The following MICU1 variants were observed in gnomAD, a reference collection of about 807,000 sequenced individuals.
MICU1 encodes mitochondrial calcium uptake 1, also known as calcium uptake protein 1, mitochondrial.
A neutral mutation model predicts 56.8 loss-of-function variants in MICU1; 45 were observed. That is an observed-to-expected ratio of 0.79 (90% confidence interval 0.62 to 1.02). MICU1 has a LOEUF of 1.02. MICU1 is among the 50% of genes least tolerant of loss of function. The pLI, the probability that MICU1 is intolerant of heterozygous loss-of-function variation, is 0.00. For synonymous variants in MICU1, 186 were observed against 195.1 expected, an observed-to-expected ratio of 0.95 and a Z score of 0.39; for missense variants, 504 against 587.1, an observed-to-expected ratio of 0.86 and a Z score of 1.46.
intron 5 of MICU1, among the ~76,000 whole-genome samples, chr10:72,520,875 A>G (rs999233429): frequency 4.6e-5 from 7 of 152,096 alleles, no homozygotes; most frequent in African/African-American, 1.7e-4. Flanking sequence ...TCAAAACTCT[A>G]GAAGGAGAAA....
intron 1 of MICU1, among the ~76,000 whole-genome samples, chr10:72,587,360 A>G (rs1198957394): frequency 2.0e-5 from 3 of 150,752 alleles, no homozygotes; most frequent in Non-Finnish European, 4.4e-5. Flanking sequence ...CTAGCTACTC[A>G]GGAGGCTAAG....
rs577453943 is a variant in MICU1 at position 72,383,996 on chromosome 10, A to T, written c.1181-8124T>A. Among the ~76,000 whole-genome samples, 907 of 150,488 alleles carry T rather than the reference A, an allele frequency of 6.0e-3. 10 individuals carry two copies. Among genetic ancestry groups the T allele is most frequent in the East Asian group, 0.034 (173 of 5,112 alleles). On this transcript the variant is annotated intron_variant, in intron 10 of 11. Transcript: ENST00000361114. ...ATTTTTAAACAATTTTATTAAAAAAAAATTTTTTTTTAATTGAGACAGGGT... is the reference window on the plus strand; with the variant it reads ...ATTTTTAAACAATTTTATTAAAAAATAATTTTTTTTTAATTGAGACAGGGT...
intron 5 of MICU1, among the ~76,000 whole-genome samples, chr10:72,517,935 G>A (rs759026892): frequency 1.9e-4 from 29 of 152,046 alleles, no homozygotes; most frequent in African/African-American, 2.7e-4. Flanking sequence ...ATATTCCAAG[G>A]AGAATATAAT....
intron 8 of MICU1, among the ~76,000 whole-genome samples, chr10:72,446,466 G>T (rs1003911125): frequency 6.6e-6 from 1 of 152,068 alleles, no homozygotes; most frequent in East Asian, 1.9e-4. Context: ...TAGTAGCTGG[G>T]ATTACAGGTG....
chr10:72,606,407 G>A (rs992429847), intron 1 of MICU1, among the ~76,000 whole-genome samples: 3 of 151,868 alleles, frequency 2.0e-5, no homozygotes, highest in South Asian at 4.2e-4. Flanking sequence ...CCAGCTACTC[G>A]GGAACTGAGG....
chr10:72,472,738 A>G (rs940527808), intron 8 of MICU1, among the ~76,000 whole-genome samples: 7 of 152,186 alleles, frequency 4.6e-5, no homozygotes, highest in African/African-American at 1.4e-4. Context: ...GCTTAACAAA[A>G]CCAATGTTAC....
chr10:72,571,190 C>A (rs1285330494), intron 1 of MICU1, among the ~76,000 whole-genome samples: 1 of 152,114 alleles, frequency 6.6e-6, no homozygotes, highest in Non-Finnish European at 1.5e-5. Context: ...ATGGTGAAAC[C>A]CTGTCTCTAC....
chr10:72,588,403 A>C (rs1342157698), intron 1 of MICU1, among the ~76,000 whole-genome samples: 1 of 152,132 alleles, frequency 6.6e-6, no homozygotes, highest in Admixed American at 6.6e-5. Context: ...AGGAAAAAAA[A>C]CAACTTACAT....
At chr10:72,623,857 C>A (rs1376049303) in intron 1 of MICU1, among the ~76,000 whole-genome samples, 1 of 151,256 alleles carries the variant, frequency 6.6e-6, no homozygotes, top group Non-Finnish European at 1.5e-5. Context: ...AACAAAAGGA[C>A]CAGCCTCGGC....
At chr10:72,546,196 A>C (rs772899166) in intron 4 of MICU1, among the ~76,000 whole-genome samples, 1 of 152,232 alleles carries the variant, frequency 6.6e-6, no homozygotes, top group Admixed American at 6.5e-5. Context: ...AAATGATGAC[A>C]GAGTGACATC....
At chr10:72,447,216 A>C (rs1418418764) in intron 8 of MICU1, among the ~76,000 whole-genome samples, 1 of 152,198 alleles carries the variant, frequency 6.6e-6, no homozygotes, top group Non-Finnish European at 1.5e-5. Flanking sequence ...TGGGGCACAA[A>C]TAGGTTGAGG....
intron 1 of MICU1, among the ~76,000 whole-genome samples, chr10:72,618,045 A>T (rs1842022707): frequency 6.6e-6 from 1 of 151,790 alleles, no homozygotes; most frequent in Admixed American, 6.6e-5. Context: ...GCATGCCTGT[A>T]AATCCCAGCT....
chr10:72,488,431 G>T (rs1306827242), intron 6 of MICU1, among the ~76,000 whole-genome samples: 1 of 151,982 alleles, frequency 6.6e-6, no homozygotes, highest in Non-Finnish European at 1.5e-5. Context: ...CGTCAGTATG[G>T]TCATTACTAC....
chr10:72,498,380 G>C (rs1866917801), intron 6 of MICU1, among the ~76,000 whole-genome samples: 1 of 152,142 alleles, frequency 6.6e-6, no homozygotes, highest in Admixed American at 6.5e-5. Context: ...GAGGTCAGGA[G>C]GTCGAGACCA....
chr10:72,393,172 TTCTTCCTC>T (rs770571420), intron 10 of MICU1, among the ~76,000 whole-genome samples: 13 of 152,214 alleles, frequency 8.5e-5, no homozygotes, highest in Non-Finnish European at 1.9e-4. Flanking sequence ...AATTATTGAG[TTCTTCCTC>T]TATCCCAAGT....
chr10:72,377,644 A>G (rs1344057312), intron 10 of MICU1, among the ~76,000 whole-genome samples: 1 of 152,096 alleles, frequency 6.6e-6, no homozygotes, highest in Non-Finnish European at 1.5e-5. Flanking sequence ...GTCTAGCTAC[A>G]CCTATAAATC....
At chr10:72,400,900 CACA>C (rs1863431973) in intron 10 of MICU1, among the ~76,000 whole-genome samples, 1 of 149,370 alleles carries the variant, frequency 6.7e-6, no homozygotes, top group Admixed American at 6.6e-5. Flanking sequence ...CACACACACA[CACA>C]CCCTATATGA....
rs143632824 is a variant in MICU1 at position 72,416,365 on chromosome 10, C to T, written c.1071+6869G>A. Among the ~76,000 whole-genome samples the T allele has an allele frequency of 3.9e-3, 598 of 152,208 alleles. 4 individuals carry two copies. The highest frequency in any genetic ancestry group is 0.013 in the African/African-American group (537 of 41,548). ...TTTAGTTTTATGGCCACATTTCACA[C>T]GCTATACTACATAGTGACTGGTGGG... On this transcript the variant is annotated intron_variant, in intron 9 of 11. Coordinates refer to ENST00000361114, the MANE Select transcript of MICU1 (RefSeq NM_001195518.2).
At chr10:72,430,471 C>T (rs1589212142) in intron 8 of MICU1, among the ~76,000 whole-genome samples, 2 of 152,030 alleles carry the variant, frequency 1.3e-5, no homozygotes, top group African/African-American at 4.8e-5. Flanking sequence ...CATAATAAAA[C>T]AAACACCACG....
Sources: gnomAD v4.1 joint callset for allele counts (sites outside exome capture counted in the v4.1 genomes callset) on GRCh38, gnomAD v4.1.1 for gene constraint, MANE v1.5 for transcripts, NCBI Gene and HGNC (gene_info 2026-07-23, HGNC 2026-07-21) for gene names.